Variants in BBS2 observed in about 807,000 individuals in gnomAD.
BBS2 encodes BBSome complex member BBS2.
In BBS2, 62 loss-of-function variants were observed where a neutral mutation model predicts 83.0. The observed-to-expected ratio is 0.75, with a 90% confidence interval of 0.61 to 0.92. The LOEUF is 0.92. BBS2 is among the 40% of genes least tolerant of loss of function. The probability of loss-of-function intolerance (pLI) is 0.00; values close to 1 mark genes in which losing one functional copy is unlikely to be tolerated. For missense variants in BBS2, 784 were observed against 901.0 expected (o/e 0.87, Z 1.66); for synonymous variants, 303 against 326.1 (o/e 0.93, Z 0.76).
chr16:56,519,750 C>G lies in BBS2; in HGVS notation c.113G>C (p.Gly38Ala). 2.5e-6 allele frequency: 4 copies of G among 1,612,800 alleles called. No homozygotes were observed. Among genetic ancestry groups the G allele is most frequent in the African/African-American group, 1.3e-5 (1 of 75,028 alleles). The stretch of plus-strand genomic sequence containing the variant: ...CCTGCGGGTGGGAGCGGTTACCTTG[C>G]CCGTTTGGGTGGCGGCCGCCAGGCA... Reference protein sequence around the residue: ...HPCLAAATQTGKVFIHNPHTR... With the variant: ...HPCLAAATQTAKVFIHNPHTR... Residue 38 changes from glycine (G) to alanine (A), a missense_variant, in exon 1 of 17, where the codon GGC becomes GCC. By Grantham distance (60) the Gly-to-Ala change is moderately conservative (BLOSUM62 0). Transcript: ENST00000245157.
Position 56,484,784 on chromosome 16 carries a change from G to A in BBS2, c.2143C>T (p.Arg715Ter), listed in dbSNP as rs1555520107. Residue 715 changes from arginine to a stop codon, truncating the protein, a stop_gained, in exon 17 of 17, where the codon CGA (arginine) becomes TGA (stop). Transcript: ENST00000245157. LOFTEE classifies it high-confidence loss of function. ...NNINTLFKIM[R>*]VGTASS ...ACCTAGGAAGAAGCTGTCCCCACTCGCATGATTTTGAACAGTGTGTTGATG... is the reference window on the plus strand; with the variant it reads ...ACCTAGGAAGAAGCTGTCCCCACTCACATGATTTTGAACAGTGTGTTGATG... 4.3e-6 allele frequency: 7 copies of A among 1,613,612 alleles called. No individual in the cohort carries two copies. The highest frequency in any genetic ancestry group is 1.6e-4 in the Middle Eastern group (1 of 6,082).
At chr16:56,475,151 GA>G (rs1963398690) in intron 17 of BBS2, among the ~76,000 whole-genome samples, 1 of 152,174 alleles carries the variant, frequency 6.6e-6, no homozygotes, top group Non-Finnish European at 1.5e-5. Context: ...CTGTGACTAG[GA>G]AATGGGGAGA....
At position 56,475,990 on chromosome 16, in the gene BBS2, A is replaced by G. The variant is rs58713805; in HGVS notation, c.*1-5295T>C. The G allele has an allele frequency of 2.7e-4, 411 of 1,494,866 alleles. No individual in the cohort carries two copies. The African/African-American group carries it at 5.5e-3, about 20-fold the overall frequency. 92.6% of individuals were successfully genotyped at this position (1,494,866 alleles called of 1,614,324 possible). ...CATCTGTTCCATGGTTAATCATCCAAGATTTGAGAATAAGTTCTGTGTTCT... is the reference window on the plus strand; with the variant it reads ...CATCTGTTCCATGGTTAATCATCCAGGATTTGAGAATAAGTTCTGTGTTCT... On this transcript the variant is annotated intron_variant, in intron 17 of 17. Transcript: ENST00000682047.
rs1964562035 is a variant in BBS2, at chr16:56,511,035, A to T, written c.472-114T>A. 4.4e-5 allele frequency: 69 copies of T among 1,563,038 alleles called. No individual in the cohort carries two copies. The South Asian group carries it at 7.1e-4, about 16-fold the overall frequency. ...AACACGAATGAATGCTATTCGAATT[A>T]TTCATATCCTTTTTTAATGCACAGA... On this transcript the variant is annotated intron_variant, in intron 3 of 16. Transcript: ENST00000245157.
intron 7 of BBS2, among the ~76,000 whole-genome samples, chr16:56,503,642 G>A (rs1475100132): frequency 6.6e-6 from 1 of 152,188 alleles, no homozygotes; most frequent in Admixed American, 6.5e-5. Flanking sequence ...TTATGAGGCC[G>A]GGCACAGTGG....
rs1964297574 is a variant in BBS2 at position 56,502,307 on chromosome 16, CT to C, written c.1080+9del. 2.5e-6 allele frequency: 4 copies of C among 1,614,068 alleles called. No individual in the cohort carries two copies. The highest frequency in any genetic ancestry group is 3.4e-6 in the Non-Finnish European group (4 of 1,180,034). On this transcript the variant is annotated intron_variant, in intron 9 of 16. Coordinates refer to ENST00000245157, the MANE Select transcript of BBS2 (RefSeq NM_031885.5). The stretch of plus-strand genomic sequence containing the variant: ...CTCCATTACCTGGTCACATTAGGAC[CT>C]ACACCTACCTTGGCATTTTCCTCAT...
chr16:56,514,257 G>A (rs1022862513), intron 2 of BBS2, among the ~76,000 whole-genome samples, 196 bp downstream of exon 2: 17 of 152,182 alleles, frequency 1.1e-4, no homozygotes, highest in African/African-American at 3.6e-4. Context: ...GTCACCAAGC[G>A]ATTAGCAACC....
chr16:56,502,277 T>C (rs768451458), intron 9 of BBS2, 40 bp downstream of exon 9: 1 of 1,614,022 alleles, frequency 6.2e-7, no homozygotes, highest in South Asian at 1.1e-5. Context: ...TCTCAACATT[T>C]CAGCCTCCAT....
intron 8 of BBS2, 77 bp downstream of exon 8, chr16:56,502,596 A>C: frequency 6.2e-7 from 1 of 1,610,542 alleles, no homozygotes; most frequent in Non-Finnish European, 8.5e-7. Context: ...CAAATACTTC[A>C]GGTGAAATTT....
In BBS2 at chr16:56,499,573, G is replaced by T. The variant is rs1204653076; in HGVS notation, c.1527+205C>A. 1.0e-5 allele frequency: 6 copies of T among 572,274 alleles called. No individual in the cohort carries two copies. The East Asian group carries it at 2.1e-4, about 20-fold the overall frequency. 35.4% of individuals were successfully genotyped at this position (572,274 alleles called of 1,614,324 possible). A position where few individuals can be genotyped will look rare whatever the true frequency, so the allele number is the denominator to read the frequency against. On this transcript the variant is annotated intron_variant, in intron 12 of 16. Coordinates refer to ENST00000245157, the MANE Select transcript of BBS2 (RefSeq NM_031885.5). ...AAGAATTCACCAATAACTGAGGATT[G>T]CTCAGATGCTTTTTCAAAGTGAGAG...
intron 12 of BBS2, chr16:56,499,306 C>T (rs1964197192): frequency 4.6e-6 from 1 of 218,324 alleles, no homozygotes; most frequent in Non-Finnish European, 9.2e-6. Flanking sequence ...ATCCTCGGGC[C>T]CCCGCAATAA....
downstream of BBS2, among the ~76,000 whole-genome samples, chr16:56,484,006 ATTTT>A (rs531219312): frequency 2.4e-4 from 31 of 130,282 alleles, no homozygotes; most frequent in African/African-American, 2.3e-4. Context: ...CAGCCCAAAT[ATTTT>A]TTTTTTTTTT....
At chr16:56,480,883 C>T (rs1364330358), downstream of BBS2, among the ~76,000 whole-genome samples, 6 of 152,098 alleles carry the variant, frequency 3.9e-5, no homozygotes, top group East Asian at 9.6e-4. Flanking sequence ...TTAAAAACGA[C>T]TTGGGAACTG....
chr16:56,500,839 C>T lies in BBS2; in HGVS notation c.1397+15G>A. ...AGTGCTGTCCTGAAATGAACTGTGACTTGCAAAGGGTCACCTGCTTCTGTA... is the reference window on the plus strand; with the variant it reads ...AGTGCTGTCCTGAAATGAACTGTGATTTGCAAAGGGTCACCTGCTTCTGTA... On this transcript the variant is annotated intron_variant, in intron 11 of 16. Coordinates refer to ENST00000245157, the MANE Select transcript of BBS2 (RefSeq NM_031885.5). The T allele has an allele frequency of 1.2e-6, 2 of 1,613,720 alleles. No homozygotes were observed. Among genetic ancestry groups the T allele is most frequent in the Middle Eastern group, 1.7e-4 (1 of 6,002 alleles).
intron 2 of BBS2, among the ~76,000 whole-genome samples, chr16:56,512,857 CAAAG>C (rs1210971490): frequency 6.6e-6 from 1 of 152,124 alleles, no homozygotes; most frequent in African/African-American, 2.4e-5. Flanking sequence ...AAAAAATAGA[CAAAG>C]AAGAAAACCA....
rs76477600 is a variant in BBS2 at position 56,512,003 on chromosome 16, T to G, written c.346-719A>C. Reference sequence around the variant, plus strand: ...CCAAGAAATGTCTACAAATCAATAATAAAGAGACAAACTACCAATAAAAAA... The same window carrying G: ...CCAAGAAATGTCTACAAATCAATAAGAAAGAGACAAACTACCAATAAAAAA... On this transcript the variant is annotated intron_variant, in intron 2 of 16. Coordinates refer to ENST00000245157, the MANE Select transcript of BBS2 (RefSeq NM_031885.5). Among the ~76,000 whole-genome samples, 1,108 of 152,084 alleles carry G rather than the reference T, an allele frequency of 7.3e-3. 16 individuals are homozygous for G. Among genetic ancestry groups the G allele is most frequent in the African/African-American group, 0.026 (1,069 of 41,470 alleles).
At position 56,511,425 on chromosome 16, in the gene BBS2, A is replaced by T. The variant is rs1964573903; in HGVS notation, c.346-141T>A. On this transcript the variant is annotated intron_variant, in intron 2 of 16. Transcript: ENST00000245157. ...ATAATGTGGGTGGGCCTCACACATT[A>T]ACTGGCCCACGCACATATGGATAAT... is the stretch of plus-strand genomic sequence containing the variant. The T allele has an allele frequency of 4.6e-6, 5 of 1,094,456 alleles. No homozygotes were observed. The Admixed American group carries it at 9.1e-5, about 20-fold the overall frequency. The allele number at this position is 1,094,456 out of a possible 1,614,324, so 67.8% of individuals were successfully genotyped here.
At position 56,519,749 on chromosome 16, in the gene BBS2, G is replaced by T. The variant is rs1436515823; in HGVS notation, c.114C>A (p.Gly38=). 1.2e-6 allele frequency: 2 copies of T among 1,612,430 alleles called. No individual in the cohort carries two copies. The highest frequency in any genetic ancestry group is 2.2e-5 in the South Asian group (2 of 91,036). The change falls in exon 1 of 17, where the codon GGC becomes GGA. Residue 38 remains glycine, a synonymous_variant. Coordinates refer to ENST00000245157, the MANE Select transcript of BBS2 (RefSeq NM_031885.5). ...HPCLAAATQT[G]KVFIHNPHTR... ...CCCTGCGGGTGGGAGCGGTTACCTT[G>T]CCCGTTTGGGTGGCGGCCGCCAGGC...
intron 15 of BBS2, among the ~76,000 whole-genome samples, chr16:56,489,563 G>A (rs938999736): frequency 9.3e-5 from 14 of 150,996 alleles, no homozygotes; most frequent in Admixed American, 5.3e-4. Context: ...TTGGGAGGCC[G>A]AGGTTGGTGG....
Sources: gnomAD v4.1 joint callset for allele counts (sites outside exome capture counted in the v4.1 genomes callset) on GRCh38, gnomAD v4.1.1 for gene constraint, MANE v1.5 for transcripts, NCBI Gene and HGNC (gene_info 2026-07-23, HGNC 2026-07-21) for gene names.